Variants in KCNAB1 observed in about 807,000 individuals in gnomAD.
The protein encoded by KCNAB1 is voltage-gated potassium channel subunit beta-1.
Under a neutral mutation model 64.6 loss-of-function variants are expected in KCNAB1, and 35 were observed. The ratio of observed to expected loss-of-function variants is 0.54; its 90% CI spans 0.41 to 0.72. The LOEUF (loss-of-function observed/expected upper bound fraction) is 0.72. Ranked by LOEUF, KCNAB1 falls within the 30% of genes least tolerant of loss-of-function variation. The pLI is 0.00. For missense variants in KCNAB1, 401 were observed against 512.9 expected, an observed-to-expected ratio of 0.78 and a Z score of 2.11; for synonymous variants, 177 against 183.8, an observed-to-expected ratio of 0.96 and a Z score of 0.30.
At chr3:156,342,884 A>ATTC (rs1360084645) in intron 1 of KCNAB1, among the ~76,000 whole-genome samples, 1 of 152,144 alleles carries the variant, frequency 6.6e-6, no homozygotes, top group East Asian at 1.9e-4. Flanking sequence ...GTGCACAAGA[A>ATTC]TTCTTCCTGA....
At chr3:156,219,797 C>T (rs1039387658) in intron 1 of KCNAB1, among the ~76,000 whole-genome samples, 1 of 151,560 alleles carries the variant, frequency 6.6e-6, no homozygotes, top group Non-Finnish European at 1.5e-5. Context: ...AAACCTGTGC[C>T]ATGGTGGTTT....
chr3:156,474,007 G>A (rs1024554491), intron 7 of KCNAB1, among the ~76,000 whole-genome samples: 2 of 152,132 alleles, frequency 1.3e-5, no homozygotes, highest in Non-Finnish European at 2.9e-5. Flanking sequence ...GGTTAGGGCT[G>A]AAACATAGGC....
intron 1 of KCNAB1, among the ~76,000 whole-genome samples, chr3:156,240,985 C>T (rs1424529199): frequency 1.3e-5 from 2 of 152,152 alleles, no homozygotes; most frequent in Non-Finnish European, 2.9e-5. Context: ...TCAGTGCCAT[C>T]CCACCTGAAA....
At position 156,472,412 on chromosome 3, in the gene KCNAB1, TCTC is replaced by T. The variant is rs1713985519; in HGVS notation, c.572-2315_572-2313del. ...TGATCATATTATTTCCTCTGCTTAA[TCTC>T]CTCCTCACTCGACCCTCCCCAACCA... is the stretch of plus-strand genomic sequence containing the variant. On this transcript the variant is annotated intron_variant, in intron 7 of 13. Coordinates refer to ENST00000490337, the MANE Select transcript of KCNAB1 (RefSeq NM_172160.3). Among the ~76,000 whole-genome samples, 4 of 152,268 alleles carry T rather than the reference TCTC, an allele frequency of 2.6e-5. No homozygotes were observed. The South Asian group carries it at 8.3e-4, about 32-fold the overall frequency.
rs1186187974 is a variant in KCNAB1 at position 156,232,943 on chromosome 3, AG to A, written c.275+112059del. Reference sequence around the variant, plus strand: ...TCTGAATTCCTTTCCTTGAGCTAAGAGGCCGTGTGGATTATGATACCTTGGA... The same window carrying A: ...TCTGAATTCCTTTCCTTGAGCTAAGAGCCGTGTGGATTATGATACCTTGGA... On this transcript the variant is annotated intron_variant, in intron 1 of 13. Coordinates refer to ENST00000490337, the MANE Select transcript of KCNAB1 (RefSeq NM_172160.3). Among the ~76,000 whole-genome samples, 4 of 152,140 alleles carry A rather than the reference AG, an allele frequency of 2.6e-5. No individual in the cohort carries two copies. In the East Asian group the frequency reaches 7.7e-4, roughly 29 times the overall value.
chr3:156,537,729 G>GT lies in KCNAB1; in HGVS notation c.*988dup, dbSNP rs1412952481. The GT allele has an allele frequency of 6.4e-5, 2 of 31,012 alleles. No individual in the cohort carries two copies. Among genetic ancestry groups the GT allele is most frequent in the Non-Finnish European group, 1.5e-4 (2 of 13,216 alleles). 1.9% of individuals were successfully genotyped at this position (31,012 alleles called of 1,614,324 possible). On this transcript the variant is annotated 3_prime_UTR_variant, in exon 14 of 14. Coordinates refer to ENST00000490337, the MANE Select transcript of KCNAB1 (RefSeq NM_172160.3). ...TTACAAATAAACATACACATGCTCAGTTTTTTAAGTAAACCTGTAAAATAC... is the reference window on the plus strand; with the variant it reads ...TTACAAATAAACATACACATGCTCAGTTTTTTTAAGTAAACCTGTAAAATAC...
intron 1 of KCNAB1, among the ~76,000 whole-genome samples, chr3:156,337,661 A>G (rs1433511392): frequency 2.0e-5 from 3 of 152,332 alleles, no homozygotes; most frequent in South Asian, 2.1e-4. Flanking sequence ...AGTGAATGTA[A>G]AGATCACAGT....
At chr3:156,244,515 G>C (rs560442837) in intron 1 of KCNAB1, among the ~76,000 whole-genome samples, 2 of 152,288 alleles carry the variant, frequency 1.3e-5, no homozygotes, top group African/African-American at 4.8e-5. Context: ...GGGGGTCACT[G>C]TTCTGACTGC....
intron 1 of KCNAB1, among the ~76,000 whole-genome samples, chr3:156,200,392 G>A (rs1909372): frequency 0.6 from 91,796 of 152,106 alleles, 28,227 homozygotes; most frequent in East Asian, 0.9. Context: ...TGGCAGGCAA[G>A]AAGCTTTGTC....
intron 1 of KCNAB1, among the ~76,000 whole-genome samples, chr3:156,354,723 CAAAAA>C (rs11320799): frequency 2.5e-5 from 3 of 117,900 alleles, no homozygotes; most frequent in Admixed American, 9.4e-5. Context: ...ATCTCCCCTC[CAAAAA>C]AAAAAAAAAA....
At chr3:156,423,951 T>C (rs960017865) in intron 2 of KCNAB1, among the ~76,000 whole-genome samples, 5 of 152,090 alleles carry the variant, frequency 3.3e-5, no homozygotes, top group Non-Finnish European at 5.9e-5. Context: ...GTTGGAAGGA[T>C]AGAAAGTGGT....
intron 1 of KCNAB1, among the ~76,000 whole-genome samples, chr3:156,193,465 G>A (rs781084488): frequency 9.9e-5 from 15 of 152,164 alleles, no homozygotes; most frequent in Non-Finnish European, 1.6e-4. Flanking sequence ...TAAAGTGGGT[G>A]TATTAGTCTG....
At chr3:156,301,271 A>G (rs139750920) in intron 1 of KCNAB1, among the ~76,000 whole-genome samples, 51 of 152,308 alleles carry the variant, frequency 3.3e-4, no homozygotes, top group African/African-American at 1.1e-3. Context: ...ATAAAAATCA[A>G]CTGCGTAAAT....
chr3:156,300,877 C>T (rs555433071), intron 1 of KCNAB1, among the ~76,000 whole-genome samples: 1 of 152,262 alleles, frequency 6.6e-6, no homozygotes, highest in African/African-American at 2.4e-5. Context: ...ACAACTTGTA[C>T]TGTGATTAAT....
chr3:156,459,089 A>G (rs1410282504), intron 4 of KCNAB1, among the ~76,000 whole-genome samples: 2 of 152,180 alleles, frequency 1.3e-5, no homozygotes, highest in Admixed American at 6.5e-5. Flanking sequence ...TGCTAATTCC[A>G]CTGATCTCCC....
At chr3:156,431,065 A>G (rs1716177827) in intron 2 of KCNAB1, among the ~76,000 whole-genome samples, 1 of 152,154 alleles carries the variant, frequency 6.6e-6, no homozygotes, top group African/African-American at 2.4e-5. Context: ...CCCATGAGAA[A>G]TTTCAAAGTA....
chr3:156,179,197 A>G (rs897079832), intron 1 of KCNAB1, among the ~76,000 whole-genome samples: 1 of 135,760 alleles, frequency 7.4e-6, no homozygotes, highest in African/African-American at 2.5e-5. Context: ...CTAAGCTTTT[A>G]TTATGTGCTT....
At chr3:156,426,856 C>T (rs1251828783) in intron 2 of KCNAB1, among the ~76,000 whole-genome samples, 1 of 152,160 alleles carries the variant, frequency 6.6e-6, no homozygotes, top group Non-Finnish European at 1.5e-5. Flanking sequence ...AAAATTCATC[C>T]TATGCCAAAA....
chr3:156,352,435 T>G (rs930781628), intron 1 of KCNAB1, among the ~76,000 whole-genome samples: 6 of 152,176 alleles, frequency 3.9e-5, no homozygotes, highest in Non-Finnish European at 7.3e-5. Context: ...CTGCAGGAAT[T>G]ATAAGGGACA....
Sources: gnomAD v4.1 joint callset for allele counts (sites outside exome capture counted in the v4.1 genomes callset) on GRCh38, gnomAD v4.1.1 for gene constraint, MANE v1.5 for transcripts, NCBI Gene and HGNC (gene_info 2026-07-23, HGNC 2026-07-21) for gene names.